The following PPFIA2 variants were observed in gnomAD, a reference collection of about 807,000 sequenced individuals.
PPFIA2 encodes liprin-alpha-2.
PPFIA2 carries 46 observed loss-of-function variants against 175.5 expected under a neutral mutation model. The ratio of observed to expected loss-of-function variants is 0.26; its 90% confidence interval spans 0.21 to 0.34. The LOEUF (loss-of-function observed/expected upper bound fraction) is 0.34, where lower values mean the gene tolerates loss of function less well. Among genes scored for constraint, PPFIA2 ranks in the 10% least tolerant of loss-of-function variants. The pLI is 1.00. For synonymous variants in PPFIA2, 568 were observed against 511.4 expected, an observed-to-expected ratio of 1.11 and a Z score of -1.49; for missense variants, 1,179 against 1,506.1, an observed-to-expected ratio of 0.78 and a Z score of 3.60.
At chr12:81,396,157 A>G (rs2041096536) in intron 8 of PPFIA2, among the ~76,000 whole-genome samples, 1 of 152,048 alleles carries the variant, frequency 6.6e-6, no homozygotes, top group African/African-American at 2.4e-5. Context: ...AAAGTTAATC[A>G]TTAAAACAGT....
chr12:81,496,783 A>C (rs75751394), intron 4 of PPFIA2, among the ~76,000 whole-genome samples: 1,948 of 152,304 alleles, frequency 0.013, 42 homozygotes, highest in African/African-American at 0.044. Context: ...TGGGAGGTCA[A>C]TGTTGTTACA....
In PPFIA2 at chr12:81,571,843, C is replaced by G. The variant is rs529631670; in HGVS notation, c.303+104948G>C. ...CAATGTGACAAGCAACAATTTTTGT[C>G]GACACATTGTAGGTATTAAGAATTG... is the stretch of plus-strand genomic sequence containing the variant. On this transcript the variant is annotated intron_variant, in intron 4 of 32. Transcript: ENST00000549396. 8.7e-4 allele frequency among the ~76,000 whole-genome samples: 132 copies of G among 152,076 alleles called. 1 individual carries two copies. Among genetic ancestry groups the G allele is most frequent in the African/African-American group, 3.1e-3 (127 of 41,526 alleles).
intron 4 of PPFIA2, among the ~76,000 whole-genome samples, chr12:81,636,640 T>C (rs956509266): frequency 7.3e-5 from 11 of 151,686 alleles, no homozygotes; most frequent in Non-Finnish European, 1.3e-4. Context: ...ATCCTTAGAA[T>C]GAAATTTTGG....
chr12:81,729,240 T>A (rs115503576), intron 3 of PPFIA2, among the ~76,000 whole-genome samples: 1,986 of 151,614 alleles, frequency 0.013, 44 homozygotes, highest in African/African-American at 0.045. Context: ...TGAACTTGAA[T>A]AAATGGACTC....
rs779845077 is a variant in PPFIA2, at chr12:81,362,786, T to TA, written c.1546-3dup. On this transcript the variant is annotated splice_region_variant and splice_polypyrimidine_tract_variant and intron_variant, in intron 14 of 32. Transcript: ENST00000549396. ...TTCAATTTCTTCTGCTAATCTTTCC[T>TA]AAAAAATCAAAACAGTGTTACTCAG... is the stretch of plus-strand genomic sequence containing the variant. The TA allele has an allele frequency of 8.7e-5, 133 of 1,537,142 alleles. No homozygotes were observed. The African/African-American group carries it at 1.6e-3, about 18-fold the overall frequency.
intron 4 of PPFIA2, among the ~76,000 whole-genome samples, chr12:81,671,444 CA>C (rs955164076): frequency 7.3e-5 from 11 of 150,184 alleles, no homozygotes; most frequent in South Asian, 2.1e-4. Flanking sequence ...GGGAGACAGA[CA>C]AAAAAAAAGT....
At position 81,754,045 on chromosome 12, in the gene PPFIA2, G is replaced by A. The variant is rs1235932382; in HGVS notation, c.177C>T (p.Ala59=). Residue 59 remains alanine (A), a synonymous_variant, in exon 3 of 33, where the codon GCC becomes GCT. Transcript: ENST00000549396. ...AGATGACATCCTGAAGTCTTTGCTG[G>A]GCAAGTGAGAGGCTTTCCTGGGTCT... ...LRETQESLSL[A]QQRLQDVIYD... is the part of the protein sequence containing the mutation. 1.2e-6 allele frequency: 2 copies of A among 1,613,818 alleles called. No individual in the cohort carries two copies. The highest frequency in any genetic ancestry group is 1.3e-5 in the African/African-American group (1 of 75,020).
intron 4 of PPFIA2, among the ~76,000 whole-genome samples, chr12:81,632,242 G>A (rs2153500502): frequency 6.6e-6 from 1 of 152,128 alleles, no homozygotes. Context: ...AACTACAGTT[G>A]TATTTTTTTT....
At chr12:81,477,735 G>A (rs1302606528) in intron 4 of PPFIA2, among the ~76,000 whole-genome samples, 1 of 152,136 alleles carries the variant, frequency 6.6e-6, no homozygotes, top group Non-Finnish European at 1.5e-5. Context: ...AACCAGCCTT[G>A]CATCCTAGGG....
intron 4 of PPFIA2, among the ~76,000 whole-genome samples, chr12:81,523,129 C>T (rs908389023): frequency 5.3e-5 from 8 of 152,116 alleles, no homozygotes; most frequent in African/African-American, 1.9e-4. Flanking sequence ...TGTGGCTGCT[C>T]CTGACAGAAA....
intron 4 of PPFIA2, among the ~76,000 whole-genome samples, chr12:81,671,505 T>C (rs1231235614): frequency 1.3e-5 from 2 of 151,960 alleles, no homozygotes; most frequent in African/African-American, 4.8e-5. Flanking sequence ...CTGCAAGTCT[T>C]TTCATAGGTC....
intron 21 of PPFIA2, among the ~76,000 whole-genome samples, chr12:81,329,470 C>G (rs531335386): frequency 9.9e-5 from 15 of 152,160 alleles, no homozygotes; most frequent in Admixed American, 5.2e-4. Flanking sequence ...CAGGCACAGT[C>G]AAGGATTTTT....
intron 3 of PPFIA2, among the ~76,000 whole-genome samples, chr12:81,695,036 C>A (rs1476511108): frequency 6.6e-6 from 1 of 152,092 alleles, no homozygotes; most frequent in Non-Finnish European, 1.5e-5. Flanking sequence ...CCTATAACTG[C>A]ATTGAATCTT....
intron 4 of PPFIA2, among the ~76,000 whole-genome samples, chr12:81,488,829 A>G (rs928366841): frequency 1.3e-5 from 2 of 151,768 alleles, no homozygotes; most frequent in African/African-American, 4.8e-5. Context: ...ATGACTCTGA[A>G]GGGATGGATG....
chr12:81,574,208 A>T (rs2073085793), intron 4 of PPFIA2, among the ~76,000 whole-genome samples: 1 of 151,590 alleles, frequency 6.6e-6, no homozygotes, highest in Non-Finnish European at 1.5e-5. Context: ...GTTGCATGCC[A>T]CTCCTTACCA....
intron 4 of PPFIA2, among the ~76,000 whole-genome samples, chr12:81,658,829 A>T (rs1489614708): frequency 6.6e-6 from 1 of 152,166 alleles, no homozygotes; most frequent in Non-Finnish European, 1.5e-5. Flanking sequence ...AGAACAAAAT[A>T]CAAACATTTG....
chr12:81,676,902 CA>C (rs2072625605), intron 3 of PPFIA2, 58 bp from the exon 4 acceptor site: 1 of 1,195,632 alleles, frequency 8.4e-7, no homozygotes, highest in African/African-American at 1.6e-5. Context: ...AAGAATCCCC[CA>C]GTCCCACAGT....
intron 4 of PPFIA2, chr12:81,512,361 T>C (rs1213297555): frequency 7.8e-7 from 1 of 1,288,352 alleles, no homozygotes; most frequent in African/African-American, 1.5e-5. Flanking sequence ...CCAAAACAAA[T>C]TACTTACATT....
chr12:81,605,650 G>GCTATCTAT (rs10595723), intron 4 of PPFIA2, among the ~76,000 whole-genome samples: 2,170 of 143,876 alleles, frequency 0.015, 17 homozygotes, highest in East Asian at 0.029. Context: ...CATCCATCCA[G>GCTATCTAT]CTATCTATCT....
Sources: gnomAD v4.1 joint callset for allele counts (sites outside exome capture counted in the v4.1 genomes callset) on GRCh38, gnomAD v4.1.1 for gene constraint, MANE v1.5 for transcripts, NCBI Gene and HGNC (gene_info 2026-07-23, HGNC 2026-07-21) for gene names.